Variants in TRPC4AP observed in about 807,000 individuals in gnomAD.
TRPC4AP encodes short transient receptor potential channel 4-associated protein.
Under a neutral mutation model 99.0 loss-of-function variants are expected in TRPC4AP, and 45 were observed. That is an observed-to-expected ratio of 0.45 (90% CI 0.36 to 0.58). TRPC4AP has a LOEUF of 0.58. Among genes scored for constraint, TRPC4AP ranks in the 20% least tolerant of loss-of-function variants. The pLI, the probability that TRPC4AP is intolerant of heterozygous loss-of-function variation, is 0.00. For missense variants in TRPC4AP, 879 were observed against 985.3 expected (o/e 0.89, Z 1.44); for synonymous variants, 408 against 385.8 (o/e 1.06, Z -0.67).
chr20:35,033,383 C>G (rs189851319), intron 8 of TRPC4AP, among the ~76,000 whole-genome samples: 1 of 152,146 alleles, frequency 6.6e-6, no homozygotes. Flanking sequence ...TGGGCATGTA[C>G]AGAGTCTCCC....
chr20:35,067,770 T>C (rs1182961344), intron 3 of TRPC4AP, among the ~76,000 whole-genome samples: 1 of 152,156 alleles, frequency 6.6e-6, no homozygotes, highest in Non-Finnish European at 1.5e-5. Flanking sequence ...CCACATATTA[T>C]ATAACTAAAT....
intron 8 of TRPC4AP, among the ~76,000 whole-genome samples, chr20:35,028,785 G>A (rs2083093525): frequency 6.6e-6 from 1 of 152,090 alleles, no homozygotes; most frequent in Non-Finnish European, 1.5e-5. Flanking sequence ...TCCAGCTGTT[G>A]TTTTTGAACT....
chr20:35,005,595 A>T, intron 16 of TRPC4AP, 100 bp downstream of exon 16: 1 of 1,157,782 alleles, frequency 8.6e-7, no homozygotes, highest in Non-Finnish European at 1.3e-6. Context: ...CATCTGGTGC[A>T]GCTCCCTCAG....
intron 17 of TRPC4AP, 33 bp from the exon 18 acceptor site, chr20:35,003,649 T>C: frequency 6.3e-7 from 1 of 1,598,308 alleles, no homozygotes; most frequent in Non-Finnish European, 8.5e-7. Flanking sequence ...GGTCAGGGGC[T>C]GGTGGGAGCC....
At chr20:35,067,825 T>G (rs1335902010) in intron 3 of TRPC4AP, among the ~76,000 whole-genome samples, 1 of 151,986 alleles carries the variant, frequency 6.6e-6, no homozygotes, top group Non-Finnish European at 1.5e-5. Flanking sequence ...AGACAAAAAG[T>G]ATACTAGTGT....
intron 3 of TRPC4AP, among the ~76,000 whole-genome samples, chr20:35,060,227 G>A (rs1275973451): frequency 6.6e-6 from 1 of 152,052 alleles, no homozygotes; most frequent in Non-Finnish European, 1.5e-5. Context: ...AACTACAGAT[G>A]AGTATCTCAT....
In TRPC4AP at chr20:35,015,128, TAGCAGGGA is replaced by T. The variant is rs553958301; in HGVS notation, c.1350+872_1350+879del. ...GATTCTCCCACCTCAGCCTCCTGAGTAGCAGGGATTACAGGTGCCCCACCAACATGCCT... is the reference window on the plus strand; with the variant it reads ...GATTCTCCCACCTCAGCCTCCTGAGTTTACAGGTGCCCCACCAACATGCCT... On this transcript the variant is annotated intron_variant, in intron 10 of 18. Transcript: ENST00000252015. Among the ~76,000 whole-genome samples the T allele has an allele frequency of 1.8e-4, 27 of 149,772 alleles. No individual in the cohort carries two copies. In the South Asian group the frequency reaches 5.9e-3, roughly 33 times the overall value.
At chr20:35,028,286 C>T (rs1487338326) in intron 8 of TRPC4AP, among the ~76,000 whole-genome samples, 3 of 147,992 alleles carry the variant, frequency 2.0e-5, no homozygotes, top group Non-Finnish European at 3.0e-5. Context: ...ACCTCTGCCT[C>T]GGGGGTTCAA....
At chr20:35,031,513 G>A (rs1220884670) in intron 8 of TRPC4AP, among the ~76,000 whole-genome samples, 1 of 149,702 alleles carries the variant, frequency 6.7e-6, no homozygotes, top group Non-Finnish European at 1.5e-5. Flanking sequence ...AGGGATTACA[G>A]GTGTGCGCCA....
chr20:35,053,007 C>T (rs1479433596), intron 5 of TRPC4AP, among the ~76,000 whole-genome samples: 1 of 152,188 alleles, frequency 6.6e-6, no homozygotes, highest in East Asian at 1.9e-4. Flanking sequence ...CATAATTGAA[C>T]CATATCGCCC....
chr20:35,009,926 C>A (rs536076303), intron 12 of TRPC4AP, among the ~76,000 whole-genome samples: 3 of 152,364 alleles, frequency 2.0e-5, no homozygotes, highest in African/African-American at 7.2e-5. Flanking sequence ...CACATGACTT[C>A]TGGCAGGTGA....
chr20:35,059,733 A>C (rs2083933502), intron 3 of TRPC4AP, among the ~76,000 whole-genome samples: 1 of 151,768 alleles, frequency 6.6e-6, no homozygotes, highest in Admixed American at 6.6e-5. Flanking sequence ...AAGAGGAAGA[A>C]GACTACGACG....
chr20:35,083,464 C>T (rs1169489101), intron 1 of TRPC4AP, among the ~76,000 whole-genome samples: 3 of 151,254 alleles, frequency 2.0e-5, no homozygotes, highest in Non-Finnish European at 4.4e-5. Context: ...AAAAAATTAG[C>T]TGGGCGTGAT....
At chr20:35,078,199 ATAT>A in intron 1 of TRPC4AP, 25 bp from the exon 2 acceptor site, 1 of 1,608,296 alleles carries the variant, frequency 6.2e-7, no homozygotes, top group Non-Finnish European at 8.5e-7. Context: ...AAGAGAGAAC[ATAT>A]TATTGTATTA....
chr20:35,084,026 G>A (rs975243568), intron 1 of TRPC4AP, among the ~76,000 whole-genome samples: 6 of 151,756 alleles, frequency 4.0e-5, no homozygotes, highest in South Asian at 2.1e-4. Flanking sequence ...CAGGCCGGGC[G>A]CGGTGGCTCA....
chr20:35,089,449 T>C (rs1006659466), intron 1 of TRPC4AP, among the ~76,000 whole-genome samples: 4 of 151,394 alleles, frequency 2.6e-5, no homozygotes, highest in African/African-American at 9.7e-5. Context: ...CTGCCCAGGC[T>C]TGACTCAAAC....
chr20:35,003,090 A>G lies in TRPC4AP; in HGVS notation c.*56T>C, dbSNP rs2082427521. 1 of 1,605,372 alleles carries G rather than the reference A, an allele frequency of 6.2e-7. No individual in the cohort carries two copies. The highest frequency in any genetic ancestry group is 8.5e-7 in the Non-Finnish European group (1 of 1,175,408). ...ACGGGAACAGGGCAGGGCGTGTGGC[A>G]TCGTACCCACGCTCACCCACACTGG... On this transcript the variant is annotated 3_prime_UTR_variant, in exon 19 of 19. Coordinates refer to ENST00000252015, the MANE Select transcript of TRPC4AP (RefSeq NM_015638.3).
At chr20:35,059,739 C>CGACGAAGAA (rs2083934655) in intron 3 of TRPC4AP, among the ~76,000 whole-genome samples, 1 of 149,756 alleles carries the variant, frequency 6.7e-6, no homozygotes, top group Non-Finnish European at 1.5e-5. Context: ...AAGAAGACTA[C>CGACGAAGAA]GACGAAGAAG....
At chr20:35,012,927 A>G in intron 11 of TRPC4AP, 81 bp downstream of exon 11, 1 of 1,457,208 alleles carries the variant, frequency 6.9e-7, no homozygotes, top group Non-Finnish European at 9.6e-7. Flanking sequence ...TCTCGAGCTG[A>G]GGTCAGGGAC....
Sources: gnomAD v4.1 joint callset for allele counts (sites outside exome capture counted in the v4.1 genomes callset) on GRCh38, gnomAD v4.1.1 for gene constraint, MANE v1.5 for transcripts, NCBI Gene and HGNC (gene_info 2026-07-23, HGNC 2026-07-21) for gene names.